SRGAP1: variants seen among roughly 807,000 people sequenced by gnomAD.
SRGAP1 encodes the protein SLIT-ROBO Rho GTPase activating protein 1, also known as SLIT-ROBO Rho GTPase-activating protein 1.
SRGAP1 carries 43 observed loss-of-function variants against 121.9 expected under a neutral mutation model. The ratio of observed to expected loss-of-function variants is 0.35; its 90% CI spans 0.28 to 0.46. The LOEUF is 0.46. Ranked by LOEUF, SRGAP1 falls within the 20% of genes least tolerant of loss-of-function variation. The pLI is 1.00. For synonymous variants in SRGAP1, 447 were observed against 485.4 expected (o/e 0.92, Z 1.04); for missense variants, 1,102 against 1,350.9 (o/e 0.82, Z 2.89).
At chr12:63,949,954 A>G (rs1363975471) in intron 1 of SRGAP1, among the ~76,000 whole-genome samples, 3 of 152,204 alleles carry the variant, frequency 2.0e-5, no homozygotes, top group Non-Finnish European at 2.9e-5. Context: ...TGAATTTCAT[A>G]ATTCTAGAAG....
intron 18 of SRGAP1, among the ~76,000 whole-genome samples, chr12:64,116,533 C>T (rs79561947): frequency 0.031 from 4,684 of 152,012 alleles, 255 homozygotes; most frequent in African/African-American, 0.11. Flanking sequence ...TGAGTTTTTT[C>T]TACTCAGTAT....
intron 18 of SRGAP1, among the ~76,000 whole-genome samples, chr12:64,123,093 T>G (rs1334300534): frequency 6.6e-6 from 1 of 152,238 alleles, no homozygotes; most frequent in African/African-American, 2.4e-5. Context: ...GTAGACTGTA[T>G]ACTGTATCAT....
intron 21 of SRGAP1, among the ~76,000 whole-genome samples, chr12:64,141,064 T>C (rs1310769056): frequency 7.3e-6 from 1 of 136,922 alleles, no homozygotes; most frequent in Non-Finnish European, 1.5e-5. Flanking sequence ...TAGGTGGGAA[T>C]TGAACAATGA....
chr12:64,064,014 A>G (rs920887105), intron 7 of SRGAP1, among the ~76,000 whole-genome samples: 2 of 152,032 alleles, frequency 1.3e-5, no homozygotes, highest in African/African-American at 4.8e-5. Context: ...TTTGATAGAA[A>G]TGGTATTTAA....
chr12:64,125,335 A>C (rs948616436), intron 18 of SRGAP1, among the ~76,000 whole-genome samples: 8 of 152,172 alleles, frequency 5.3e-5, no homozygotes, highest in Non-Finnish European at 1.0e-4. Flanking sequence ...AATTTAAGGC[A>C]TATTTGTTTT....
chr12:64,095,669 A>G lies in SRGAP1; in HGVS notation c.1678+465A>G, dbSNP rs559603991. Among the ~76,000 whole-genome samples, 12 of 152,256 alleles carry G rather than the reference A, an allele frequency of 7.9e-5. No homozygotes were observed. The East Asian group carries it at 2.1e-3, about 27-fold the overall frequency. ...CATAATTGGCTGTCAAATAAGTTCT[A>G]CTAAACTGGGTCATATGCCATATAC... On this transcript the variant is annotated intron_variant, in intron 14 of 21. Coordinates refer to ENST00000355086, the MANE Select transcript of SRGAP1 (RefSeq NM_020762.4).
At position 63,856,252 on chromosome 12, in the gene SRGAP1, C is replaced by CTAAATAAA. The variant is rs79879818; in HGVS notation, c.67+11406_67+11413dup. On this transcript the variant is annotated intron_variant, in intron 1 of 21. Transcript: ENST00000355086. ...GGGCAACAAGAGCGAAACTCCGTCT[C>CTAAATAAA]TAAATAAATAAATAAATAAATAAAT... 8.9e-3 allele frequency among the ~76,000 whole-genome samples: 1,306 copies of CTAAATAAA among 146,370 alleles called. 10 individuals carry two copies. The highest frequency in any genetic ancestry group is 0.012 in the Non-Finnish European group (818 of 66,504).
chr12:63,998,778 T>C (rs2033790027), intron 3 of SRGAP1, among the ~76,000 whole-genome samples: 1 of 152,212 alleles, frequency 6.6e-6, no homozygotes, highest in Non-Finnish European at 1.5e-5. Context: ...GAGATAATTA[T>C]GCACATACTT....
intron 17 of SRGAP1, among the ~76,000 whole-genome samples, chr12:64,112,705 A>C (rs1347585183): frequency 3.3e-5 from 5 of 152,190 alleles, no homozygotes; most frequent in Non-Finnish European, 7.3e-5. Flanking sequence ...GGGAGTGCAG[A>C]TATCTCTTCA....
At chr12:63,947,405 T>C (rs776988438) in intron 1 of SRGAP1, among the ~76,000 whole-genome samples, 11 of 152,246 alleles carry the variant, frequency 7.2e-5, no homozygotes, top group South Asian at 2.1e-4. Context: ...TTTTCTCTTA[T>C]GTTTTCTTCT....
intron 1 of SRGAP1, among the ~76,000 whole-genome samples, chr12:63,982,127 C>T (rs2033270466): frequency 6.6e-6 from 1 of 151,962 alleles, no homozygotes; most frequent in Non-Finnish European, 1.5e-5. Flanking sequence ...AGGAGAATGG[C>T]GTGGACCCGG....
intron 1 of SRGAP1, among the ~76,000 whole-genome samples, chr12:63,936,891 C>T (rs1009188434): frequency 2.6e-5 from 4 of 152,052 alleles, no homozygotes; most frequent in African/African-American, 9.7e-5. Flanking sequence ...AAAAGGATAC[C>T]ACTTGCCTAA....
intron 1 of SRGAP1, among the ~76,000 whole-genome samples, chr12:63,961,654 T>C (rs1041256572): frequency 6.6e-6 from 1 of 152,198 alleles, no homozygotes; most frequent in African/African-American, 2.4e-5. Flanking sequence ...GTGCATAGCA[T>C]TGTTGAATAA....
At chr12:64,001,064 A>G (rs564689042) in intron 3 of SRGAP1, among the ~76,000 whole-genome samples, 2 of 152,318 alleles carry the variant, frequency 1.3e-5, no homozygotes, top group East Asian at 3.9e-4. Flanking sequence ...ACACATACAC[A>G]TACACACACA....
At chr12:63,948,868 CATATATATATTTTCCAT>C (rs2032145802) in intron 1 of SRGAP1, among the ~76,000 whole-genome samples, 1 of 102,826 alleles carries the variant, frequency 9.7e-6, no homozygotes, top group Admixed American at 9.9e-5. Flanking sequence ...ATATATATTC[CATATATATATTTTCCAT>C]ATATATATAT....
chr12:63,879,894 C>T (rs761788214), intron 1 of SRGAP1, among the ~76,000 whole-genome samples: 15 of 152,118 alleles, frequency 9.9e-5, no homozygotes, highest in South Asian at 2.1e-4. Context: ...TGGTTGTCTC[C>T]AGACCAAGAT....
intron 1 of SRGAP1, among the ~76,000 whole-genome samples, chr12:63,956,339 A>G (rs1253352547): frequency 3.9e-5 from 6 of 152,194 alleles, no homozygotes; most frequent in Non-Finnish European, 5.9e-5. Context: ...TGCTGGGAAT[A>G]CAGGCATGAA....
rs1327198207 is a variant in SRGAP1 at position 64,148,391 on chromosome 12, C to T, written c.*5719C>T. ...CCCCCTCCTGGATTCAAGCGATTCT[C>T]CTGCCTCAGCCTCCTAAGTAGCTGT... is the stretch of plus-strand genomic sequence containing the variant. On this transcript the variant is annotated 3_prime_UTR_variant, in exon 22 of 22. Coordinates refer to ENST00000355086, the MANE Select transcript of SRGAP1 (RefSeq NM_020762.4). The T allele has an allele frequency of 1.3e-5, 2 of 151,102 alleles. No individual in the cohort carries two copies. The highest frequency in any genetic ancestry group is 2.1e-4 in the South Asian group (1 of 4,770). 9.4% of individuals were successfully genotyped at this position (151,102 alleles called of 1,614,324 possible).
At chr12:63,847,752 AAC>A (rs1828458244) in intron 1 of SRGAP1, among the ~76,000 whole-genome samples, 1 of 152,056 alleles carries the variant, frequency 6.6e-6, no homozygotes, top group Non-Finnish European at 1.5e-5. Flanking sequence ...TCTCAAGAAA[AAC>A]ACAATGAATA....
Sources: allele counts gnomAD v4.1 joint callset (sites outside exome capture counted in the v4.1 genomes callset), GRCh38; gene constraint gnomAD v4.1.1; transcripts MANE v1.5; gene names NCBI Gene and HGNC (gene_info 2026-07-23, HGNC 2026-07-21).